Variants in SEMA5A observed in about 807,000 individuals in gnomAD.
SEMA5A encodes semaphorin 5A.
Under a neutral mutation model 135.5 loss-of-function variants are expected in SEMA5A, and 55 were observed. The ratio of observed to expected loss-of-function variants is 0.41; its 90% CI spans 0.33 to 0.51. The LOEUF (loss-of-function observed/expected upper bound fraction) is 0.51. Ranked by LOEUF, SEMA5A falls within the 20% of genes least tolerant of loss-of-function variation. The pLI is 0.37. For synonymous variants in SEMA5A, 580 were observed against 546.5 expected, an observed-to-expected ratio of 1.06 and a Z score of -0.85; for missense variants, 1,290 against 1,419.9, an observed-to-expected ratio of 0.91 and a Z score of 1.47.
chr5:9,265,441 C>A (rs1250448966), intron 5 of SEMA5A: 1 of 456,310 alleles, frequency 2.2e-6, no homozygotes, highest in Middle Eastern at 3.3e-4. Context: ...TACCTTCCTT[C>A]CACTGTAAGG....
chr5:9,104,015 C>T (rs1203668888), intron 16 of SEMA5A, among the ~76,000 whole-genome samples: 1 of 152,182 alleles, frequency 6.6e-6, no homozygotes, highest in Admixed American at 6.5e-5. Context: ...TTAAGCTACA[C>T]TTCAACCTAA....
At chr5:9,211,346 T>TA (rs139294280) in intron 8 of SEMA5A, among the ~76,000 whole-genome samples, 3,967 of 152,318 alleles carry the variant, frequency 0.026, 78 homozygotes, top group Non-Finnish European at 0.035. Context: ...TCTTGACAAA[T>TA]ACTTGCATTT....
At chr5:9,307,076 T>C (rs1751905231) in intron 5 of SEMA5A, among the ~76,000 whole-genome samples, 1 of 152,198 alleles carries the variant, frequency 6.6e-6, no homozygotes, top group Non-Finnish European at 1.5e-5. Context: ...CTAAGATGCA[T>C]GTAAATAATA....
chr5:9,238,982 T>A (rs755144454), intron 5 of SEMA5A, among the ~76,000 whole-genome samples: 1 of 152,150 alleles, frequency 6.6e-6, no homozygotes, highest in Admixed American at 6.5e-5. Context: ...TTCACCCTTA[T>A]TTTTTAGTAA....
At chr5:9,089,699 C>T (rs1449679774) in intron 16 of SEMA5A, among the ~76,000 whole-genome samples, 1 of 152,130 alleles carries the variant, frequency 6.6e-6, no homozygotes, top group Non-Finnish European at 1.5e-5. Context: ...TGGCAGGAAT[C>T]CTAGGCTTTT....
intron 6 of SEMA5A, among the ~76,000 whole-genome samples, chr5:9,236,011 G>T (rs1399920115): frequency 6.6e-6 from 1 of 152,178 alleles, no homozygotes; most frequent in African/African-American, 2.4e-5. Context: ...GAGAGCTTGT[G>T]CAGGGGAACT....
chr5:9,522,917 C>T (rs550542513), intron 1 of SEMA5A: 1 of 152,230 alleles, frequency 6.6e-6, no homozygotes, highest in African/African-American at 2.4e-5. Flanking sequence ...TGTTATTAAA[C>T]AGTTTCTCTA....
At chr5:9,107,195 G>A (rs945192797) in intron 16 of SEMA5A, among the ~76,000 whole-genome samples, 2 of 152,190 alleles carry the variant, frequency 1.3e-5, no homozygotes, top group African/African-American at 4.8e-5. Flanking sequence ...GCCACTGTCT[G>A]TGTCCACTCT....
At chr5:9,280,234 T>C (rs1750469463) in intron 5 of SEMA5A, among the ~76,000 whole-genome samples, 1 of 152,218 alleles carries the variant, frequency 6.6e-6, no homozygotes. Context: ...GCAGCAGATA[T>C]CTCTGTATTC....
intron 16 of SEMA5A, among the ~76,000 whole-genome samples, chr5:9,074,009 A>G (rs1022838328): frequency 6.6e-6 from 1 of 152,168 alleles, no homozygotes; most frequent in Non-Finnish European, 1.5e-5. Context: ...TCTAAATTTC[A>G]TATGGAATAC....
At chr5:9,272,978 G>A (rs1304236090) in intron 5 of SEMA5A, among the ~76,000 whole-genome samples, 1 of 152,178 alleles carries the variant, frequency 6.6e-6, no homozygotes, top group African/African-American at 2.4e-5. Flanking sequence ...CTCCTCACCA[G>A]CAAGGGAACA....
intron 13 of SEMA5A, among the ~76,000 whole-genome samples, chr5:9,125,780 G>A (rs1213819980): frequency 6.6e-6 from 1 of 151,984 alleles, no homozygotes; most frequent in Non-Finnish European, 1.5e-5. Context: ...GCATGACAAC[G>A]TGACTCAAGC....
chr5:9,305,707 C>CAT (rs1561128483), intron 5 of SEMA5A, among the ~76,000 whole-genome samples: 12 of 42,894 alleles, frequency 2.8e-4, no homozygotes, highest in East Asian at 1.8e-3. Flanking sequence ...TGTGTGTGTG[C>CAT]GTATATATAT....
At chr5:9,046,572 C>T (rs1327585272) in intron 21 of SEMA5A, among the ~76,000 whole-genome samples, 1 of 152,236 alleles carries the variant, frequency 6.6e-6, no homozygotes, top group African/African-American at 2.4e-5. Flanking sequence ...CTTCCTGAAC[C>T]TCATGCAACC....
At chr5:9,514,473 G>T (rs945199345) in intron 1 of SEMA5A, among the ~76,000 whole-genome samples, 2 of 152,146 alleles carry the variant, frequency 1.3e-5, no homozygotes, top group Non-Finnish European at 2.9e-5. Context: ...CTGAGGGATT[G>T]GTTCCAAGAC....
intron 1 of SEMA5A, among the ~76,000 whole-genome samples, chr5:9,488,816 A>G (rs755060568): frequency 1.3e-5 from 2 of 152,216 alleles, no homozygotes; most frequent in African/African-American, 4.8e-5. Context: ...AAGATTTTGG[A>G]AAGAAGAATG....
At chr5:9,500,248 G>A (rs1476660523) in intron 1 of SEMA5A, among the ~76,000 whole-genome samples, 2 of 152,166 alleles carry the variant, frequency 1.3e-5, no homozygotes, top group Non-Finnish European at 2.9e-5. Flanking sequence ...ATTATTAAAT[G>A]CAGCGCATGG....
chr5:9,125,265 C>T (rs1284083267), intron 13 of SEMA5A, among the ~76,000 whole-genome samples: 1 of 152,184 alleles, frequency 6.6e-6, no homozygotes, highest in African/African-American at 2.4e-5. Context: ...ACCTGGCTAT[C>T]TATGTAAGAA....
intron 5 of SEMA5A, among the ~76,000 whole-genome samples, chr5:9,240,163 T>C (rs1392342569): frequency 1.3e-5 from 2 of 152,080 alleles, no homozygotes; most frequent in Non-Finnish European, 2.9e-5. Context: ...ATAATAAATA[T>C]GACAAATCTT....
Sources: allele counts gnomAD v4.1 joint callset (sites outside exome capture counted in the v4.1 genomes callset), GRCh38; gene constraint gnomAD v4.1.1; transcripts MANE v1.5; gene names NCBI Gene and HGNC (gene_info 2026-07-23, HGNC 2026-07-21).